The following SPPL2A variants were observed in gnomAD, a reference collection of about 807,000 sequenced individuals.
SPPL2A encodes signal peptide peptidase-like 2A.
A neutral mutation model predicts 63.8 loss-of-function variants in SPPL2A; 51 were observed. The ratio of observed to expected loss-of-function variants is 0.80; its 90% CI spans 0.64 to 1.01. The LOEUF (loss-of-function observed/expected upper bound fraction) is 1.01. SPPL2A is among the 50% of genes least tolerant of loss of function. The pLI, the probability that SPPL2A is intolerant of heterozygous loss-of-function variation, is 0.00. For missense variants in SPPL2A, 553 were observed against 622.7 expected (o/e 0.89, Z 1.19); for synonymous variants, 188 against 205.8 (o/e 0.91, Z 0.74).
In SPPL2A at chr15:50,705,683, G is replaced by T. The variant is rs1003545469; in HGVS notation, c.*2117C>A. 1 of 151,986 alleles carries T rather than the reference G, an allele frequency of 6.6e-6. No homozygotes were observed. Among genetic ancestry groups the T allele is most frequent in the Non-Finnish European group, 1.5e-5 (1 of 68,012 alleles). The allele number at this position is 151,986 out of a possible 1,614,324, so 9.4% of individuals were successfully genotyped here. ...ACCCATAACTGCATTAAGCAGAGAG[G>T]GACTGACTGTCAATGAAGCTTCTCT... On this transcript the variant is annotated 3_prime_UTR_variant, in exon 15 of 15. Coordinates refer to ENST00000261854, the MANE Select transcript of SPPL2A (RefSeq NM_032802.4).
In SPPL2A at chr15:50,765,506, C is replaced by T. The variant is rs1596404525; in HGVS notation, c.28G>A (p.Ala10Thr). 2 of 1,501,114 alleles carry T rather than the reference C, an allele frequency of 1.3e-6. No homozygotes were observed. The highest frequency in any genetic ancestry group is 2.8e-5 in the East Asian group (1 of 36,280). The allele number at this position is 1,501,114 out of a possible 1,614,324, so 93.0% of individuals were successfully genotyped here. Residue 10 changes from alanine to threonine, a missense_variant, in exon 1 of 15, where the codon GCC becomes ACC. Ala to Thr is a moderately conservative substitution (Grantham distance 58). Coordinates refer to ENST00000261854, the MANE Select transcript of SPPL2A (RefSeq NM_032802.4). ...AAGCCCCAGAGTAGGGCGGCCCCGG[C>T]AGGGGACAGCCGCCGCTGCGGCCCC... MGPQRRLSP[A>T]GAALLWGFLL... is the part of the protein sequence containing the mutation.
At chr15:50,714,118 T>C (rs2062581653) in intron 14 of SPPL2A, among the ~76,000 whole-genome samples, 1 of 152,236 alleles carries the variant, frequency 6.6e-6, no homozygotes, top group African/African-American at 2.4e-5. Flanking sequence ...CTTTACCTAA[T>C]ACAATTACGA....
chr15:50,717,138 A>G (rs1015693847), intron 14 of SPPL2A, among the ~76,000 whole-genome samples: 1 of 151,802 alleles, frequency 6.6e-6, no homozygotes, highest in African/African-American at 2.4e-5. Context: ...CCATCTCACT[A>G]TTTTGCTAAT....
At chr15:50,730,231 T>G (rs2062719893) in intron 10 of SPPL2A, among the ~76,000 whole-genome samples, 1 of 152,144 alleles carries the variant, frequency 6.6e-6, no homozygotes, top group Non-Finnish European at 1.5e-5. Flanking sequence ...CTCATTTTAC[T>G]GAAGAGCTAG....
At chr15:50,734,370 A>T (rs1469094935) in intron 8 of SPPL2A, among the ~76,000 whole-genome samples, 3 of 152,196 alleles carry the variant, frequency 2.0e-5, no homozygotes, top group African/African-American at 7.2e-5. Context: ...AAAGACATGG[A>T]TGGAACTGAA....
Position 50,711,205 on chromosome 15 carries a change from C to T in SPPL2A, c.1489-3331G>A, listed in dbSNP as rs201064601. The stretch of plus-strand genomic sequence containing the variant: ...ACAATTAGTATTTCCAAATTAGTAT[C>T]CTTTTTTTTTTTTTTTTTTGTGAGA... On this transcript the variant is annotated intron_variant, in intron 14 of 14. Transcript: ENST00000261854. 3.8e-4 allele frequency among the ~76,000 whole-genome samples: 49 copies of T among 127,664 alleles called. 1 individual carries two copies. Among genetic ancestry groups the T allele is most frequent in the African/African-American group, 1.8e-3 (44 of 24,430 alleles). The allele number at this position is 127,664 out of a possible 152,430, so 83.8% of individuals were successfully genotyped here.
intron 9 of SPPL2A, among the ~76,000 whole-genome samples, 184 bp from the exon 10 acceptor site, chr15:50,731,223 T>A (rs1009027355): frequency 7.2e-5 from 11 of 152,242 alleles, no homozygotes; most frequent in African/African-American, 2.7e-4. Context: ...CTTCTTTATC[T>A]TATTTTTTTA....
At chr15:50,738,199 A>T (rs899310096) in intron 6 of SPPL2A, among the ~76,000 whole-genome samples, 7 of 151,102 alleles carry the variant, frequency 4.6e-5, no homozygotes, top group African/African-American at 1.2e-4. Flanking sequence ...CTCAAAAAAA[A>T]AGATATCATA....
chr15:50,717,225 A>G (rs1310383761), intron 14 of SPPL2A, among the ~76,000 whole-genome samples: 1 of 152,074 alleles, frequency 6.6e-6, no homozygotes, highest in Non-Finnish European at 1.5e-5. Flanking sequence ...GCCCGGGCTG[A>G]GTGCAGTGGT....
intron 13 of SPPL2A, among the ~76,000 whole-genome samples, chr15:50,721,774 T>A (rs1379141034): frequency 6.6e-6 from 1 of 151,968 alleles, no homozygotes; most frequent in East Asian, 1.9e-4. Context: ...CCAGCTAATT[T>A]TTTTTGTATT....
intron 5 of SPPL2A, among the ~76,000 whole-genome samples, chr15:50,742,082 G>C (rs1313767446): frequency 1.3e-5 from 2 of 152,070 alleles, no homozygotes; most frequent in Non-Finnish European, 2.9e-5. Context: ...GCCATCTAGA[G>C]GTTATAAAGG....
chr15:50,744,379 A>G (rs1369250268), intron 5 of SPPL2A, among the ~76,000 whole-genome samples: 1 of 152,178 alleles, frequency 6.6e-6, no homozygotes, highest in Non-Finnish European at 1.5e-5. Flanking sequence ...TATTTAAGAA[A>G]TTACAAATAA....
chr15:50,716,687 T>C (rs1473092436), intron 14 of SPPL2A, among the ~76,000 whole-genome samples: 1 of 152,208 alleles, frequency 6.6e-6, no homozygotes, highest in African/African-American at 2.4e-5. Context: ...CAACTCACAA[T>C]AAAATTTCCT....
intron 14 of SPPL2A, among the ~76,000 whole-genome samples, chr15:50,714,813 C>T (rs2062588887): frequency 6.6e-6 from 1 of 151,084 alleles, no homozygotes; most frequent in East Asian, 2.0e-4. Context: ...GATGGTGGTG[C>T]ATGCCTATAA....
intron 9 of SPPL2A, among the ~76,000 whole-genome samples, chr15:50,731,927 C>CAAAAAAAAAAAAAAAA (rs60624824): frequency 3.1e-5 from 2 of 64,218 alleles, no homozygotes; most frequent in African/African-American, 6.9e-5. Context: ...GACTCCATCT[C>CAAAAAAAAAAAAAAAA]AAAAAAAAAA....
intron 8 of SPPL2A, among the ~76,000 whole-genome samples, chr15:50,735,701 G>A (rs1045155689): frequency 6.6e-6 from 1 of 151,840 alleles, no homozygotes; most frequent in South Asian, 2.1e-4. Flanking sequence ...TCAGCCTCCC[G>A]AGTAGCTGGG....
chr15:50,762,785 T>C (rs1596402917), intron 1 of SPPL2A, among the ~76,000 whole-genome samples: 1 of 149,814 alleles, frequency 6.7e-6, no homozygotes, highest in East Asian at 2.0e-4. Context: ...CAGGCTGGAG[T>C]GCAGTGGCAC....
In SPPL2A at chr15:50,725,249, T is replaced by C; in HGVS notation, c.1221A>G (p.Ile407Met). 1 of 1,603,822 alleles carries C rather than the reference T, an allele frequency of 6.2e-7. No homozygotes were observed. The highest frequency in any genetic ancestry group is 1.1e-5 in the South Asian group (1 of 89,398). The change falls in exon 12 of 15, where the codon ATA becomes ATG. Residue 407 changes from isoleucine (I) to methionine (M), a missense_variant. Coordinates refer to ENST00000261854, the MANE Select transcript of SPPL2A (RefSeq NM_032802.4). ...VMSVCLMPVS[I>M]LGFGDIIVPG... is the part of the protein sequence containing the mutation. ...GTACAATAATGTCTCCAAAACCCAA[T>C]ATTGAAACAGGCATGAGGCACACAC... is the stretch of plus-strand genomic sequence containing the variant.
At chr15:50,724,535 G>C (rs1198985871) in intron 12 of SPPL2A, among the ~76,000 whole-genome samples, 1 of 151,234 alleles carries the variant, frequency 6.6e-6, no homozygotes, top group African/African-American at 2.4e-5. Flanking sequence ...CTGAGGTCAT[G>C]CCACTGCGCT....
Sources: gnomAD v4.1 joint callset for allele counts (sites outside exome capture counted in the v4.1 genomes callset) on GRCh38, gnomAD v4.1.1 for gene constraint, MANE v1.5 for transcripts, NCBI Gene and HGNC (gene_info 2026-07-23, HGNC 2026-07-21) for gene names.